The following GABARAP variants were observed in gnomAD, a reference collection of about 807,000 sequenced individuals.
GABARAP encodes gamma-aminobutyric acid receptor-associated protein.
In GABARAP, 5 loss-of-function variants were observed where a neutral mutation model predicts 16.7. The observed-to-expected ratio is 0.30, with a 90% confidence interval of 0.16 to 0.63. GABARAP has a LOEUF of 0.63. Ranked by LOEUF, GABARAP falls within the 20% of genes least tolerant of loss-of-function variation. GABARAP has a pLI of 0.82. For missense variants in GABARAP, 84 were observed against 146.6 expected (o/e 0.57, Z 2.21); for synonymous variants, 45 against 52.7 (o/e 0.85, Z 0.64).
chr17:7,240,829 C>A lies in GABARAP; in HGVS notation c.*25G>T. On this transcript the variant is annotated 3_prime_UTR_variant, in exon 4 of 4. Coordinates refer to ENST00000302386, the MANE Select transcript of GABARAP (RefSeq NM_007278.2). ...ACCTCTCTCTTTGTAGAATGAGACCCCCCTCCAGCTCAGGGGCAGCAGCTT... is the reference window on the plus strand; with the variant it reads ...ACCTCTCTCTTTGTAGAATGAGACCACCCTCCAGCTCAGGGGCAGCAGCTT... 1.9e-6 allele frequency: 3 copies of A among 1,556,720 alleles called. No homozygotes were observed. Among genetic ancestry groups the A allele is most frequent in the Non-Finnish European group, 2.7e-6 (3 of 1,128,394 alleles).
chr17:7,240,150 T>TA lies in GABARAP; in HGVS notation c.*703dup, dbSNP rs1417375752. On this transcript the variant is annotated 3_prime_UTR_variant, in exon 4 of 4. Coordinates refer to ENST00000302386, the MANE Select transcript of GABARAP (RefSeq NM_007278.2). ...CCCACAGTAAAAAAAAATTTTTTTT[T>TA]ACATGAGCATTTTTAACATTTAGTT... The TA allele has an allele frequency of 2.0e-5, 3 of 152,260 alleles. No individual in the cohort carries two copies. Among genetic ancestry groups the TA allele is most frequent in the African/African-American group, 7.2e-5 (3 of 41,468 alleles). The allele number at this position is 152,260 out of a possible 1,614,324, so 9.4% of individuals were successfully genotyped here.
At position 7,240,864 on chromosome 17, in the gene GABARAP, T is replaced by G. The variant is rs750042849; in HGVS notation, c.344A>C (p.Tyr115Ser). 1 of 1,611,182 alleles carries G rather than the reference T, an allele frequency of 6.2e-7. No homozygotes were observed. The highest frequency in any genetic ancestry group is 1.1e-5 in the South Asian group (1 of 91,016). The change falls in exon 4 of 4, where the codon TAC (tyrosine) becomes TCC (serine). Residue 115 changes from tyrosine to serine, a missense_variant. Coordinates refer to ENST00000302386, the MANE Select transcript of GABARAP (RefSeq NM_007278.2). ...TCAGGGGCAGCAGCTTCACAGACCG[T>G]AGACACTTTCGTCACTGTAGGCAAT... ...LYIAYSDESVYGL is the reference protein window; with the variant it reads ...LYIAYSDESVSGL
At position 7,242,287 on chromosome 17, in the gene GABARAP, C is replaced by T. The variant is rs201373066; in HGVS notation, c.44G>A (p.Arg15His). 3 of 1,613,814 alleles carry T rather than the reference C, an allele frequency of 1.9e-6. No homozygotes were observed. Among genetic ancestry groups the T allele is most frequent in the Non-Finnish European group, 2.5e-6 (3 of 1,179,850 alleles). ...CTTTCGGATCTTCTCGCCCTCAGAG[C>T]GGCGCTTCTCGAACGGATGCTCTTC... is the stretch of plus-strand genomic sequence containing the variant. ...YKEEHPFEKR[R>H]SEGEKIRKKY... Residue 15 changes from arginine to histidine, a missense_variant, in exon 1 of 4, where the codon CGC becomes CAC. Coordinates refer to ENST00000302386, the MANE Select transcript of GABARAP (RefSeq NM_007278.2).
chr17:7,240,694 C>A lies in GABARAP; in HGVS notation c.*160G>T. On this transcript the variant is annotated 3_prime_UTR_variant, in exon 4 of 4. Transcript: ENST00000302386. The stretch of plus-strand genomic sequence containing the variant: ...TACAAGATGCCAACTCCACCATTAC[C>A]CCTCCTAAGAGAGGCTGGAGAGAAA... The A allele has an allele frequency of 1.7e-6, 1 of 601,722 alleles. No individual in the cohort carries two copies. Among genetic ancestry groups the A allele is most frequent in the South Asian group, 2.0e-5 (1 of 50,154 alleles). 37.3% of individuals were successfully genotyped at this position (601,722 alleles called of 1,614,324 possible). A position where few individuals can be genotyped will look rare whatever the true frequency, so the allele number is the denominator to read the frequency against.
rs779175255 is a variant in GABARAP at position 7,240,932 on chromosome 17, C to T, written c.289-13G>A. The T allele has an allele frequency of 6.2e-7, 1 of 1,601,596 alleles. No individual in the cohort carries two copies. Among genetic ancestry groups the T allele is most frequent in the Non-Finnish European group, 8.6e-7 (1 of 1,168,794 alleles). On this transcript the variant is annotated splice_polypyrimidine_tract_variant and intron_variant, in intron 3 of 3. Transcript: ENST00000302386. ...CTTCATGGTGTTCCTGGGATGAAAG[C>T]AGAAAACTGTTCAGCAACTGGGCTC... is the stretch of plus-strand genomic sequence containing the variant.
intron 1 of GABARAP, 21 bp downstream of exon 1, chr17:7,242,220 G>A: frequency 6.3e-7 from 1 of 1,580,228 alleles, no homozygotes; most frequent in Non-Finnish European, 8.7e-7. Flanking sequence ...CCGCGCCCTC[G>A]GCCCTGGCTA....
At chr17:7,241,572 C>T (rs1019295815) in intron 2 of GABARAP, 29 bp downstream of exon 2, 2 of 1,549,490 alleles carry the variant, frequency 1.3e-6, no homozygotes, top group African/African-American at 2.7e-5. Context: ...CCACAGGAAG[C>T]AAGCCTGAGT....
chr17:7,242,407 G>T lies in GABARAP; in HGVS notation c.-77C>A, dbSNP rs1597570803. On this transcript the variant is annotated 5_prime_UTR_variant, in exon 1 of 4. Coordinates refer to ENST00000302386, the MANE Select transcript of GABARAP (RefSeq NM_007278.2). ...CGGGACGGGGGGCGGCGACGACGGCGGCGACGCGCGGGCGGATTCAGCGGA... is the reference window on the plus strand; with the variant it reads ...CGGGACGGGGGGCGGCGACGACGGCTGCGACGCGCGGGCGGATTCAGCGGA... The T allele has an allele frequency of 1.9e-6, 2 of 1,070,732 alleles. No individual in the cohort carries two copies. Among genetic ancestry groups the T allele is most frequent in the Non-Finnish European group, 2.9e-6 (2 of 699,410 alleles). 66.3% of individuals were successfully genotyped at this position (1,070,732 alleles called of 1,614,324 possible).
At chr17:7,241,487 G>C (rs372527522) in intron 2 of GABARAP, 27 bp from the exon 3 acceptor site, 1 of 1,378,366 alleles carries the variant, frequency 7.3e-7, no homozygotes, top group Admixed American at 1.7e-5. Context: ...ATGCAAGAAA[G>C]TCACAGAGGT....
chr17:7,242,043 T>C, intron 1 of GABARAP, 198 bp downstream of exon 1: 1 of 604,290 alleles, frequency 1.7e-6, no homozygotes, highest in South Asian at 2.0e-5. Flanking sequence ...TTCTCTCTCC[T>C]GTCCACATCC....
intron 3 of GABARAP, 128 bp downstream of exon 3, chr17:7,241,214 C>T (rs1296731162): frequency 8.3e-6 from 6 of 720,848 alleles, no homozygotes; most frequent in East Asian, 4.9e-5. Context: ...CCCCAACCCA[C>T]GGCTATTATG....
In GABARAP at chr17:7,242,231, C is replaced by A. The variant is rs752973011; in HGVS notation, c.90+10G>T. The A allele has an allele frequency of 6.2e-7, 1 of 1,607,432 alleles. No individual in the cohort carries two copies. Among genetic ancestry groups the A allele is most frequent in the Non-Finnish European group, 8.5e-7 (1 of 1,174,222 alleles). Reference sequence around the variant, plus strand: ...CGTCCCGCGCCCTCGGCCCTGGCTACTGTCCTCACCGGCACCCGGTCCGGG... The same window carrying A: ...CGTCCCGCGCCCTCGGCCCTGGCTAATGTCCTCACCGGCACCCGGTCCGGG... On this transcript the variant is annotated intron_variant, in intron 1 of 3. Coordinates refer to ENST00000302386, the MANE Select transcript of GABARAP (RefSeq NM_007278.2).
At position 7,240,558 on chromosome 17, in the gene GABARAP, G is replaced by A. The variant is rs948849691; in HGVS notation, c.*296C>T. The stretch of plus-strand genomic sequence containing the variant: ...TCTGAGCCCCTTGGGCAGTCAGAAA[G>A]GGAACAGAAACCAAAACAATCACTG... On this transcript the variant is annotated 3_prime_UTR_variant, in exon 4 of 4. Transcript: ENST00000302386. 3 of 311,926 alleles carry A rather than the reference G, an allele frequency of 9.6e-6. No homozygotes were observed. Among genetic ancestry groups the A allele is most frequent in the Admixed American group, 4.8e-5 (1 of 20,770 alleles). The allele number at this position is 311,926 out of a possible 1,614,324, so 19.3% of individuals were successfully genotyped here.
At position 7,240,654 on chromosome 17, in the gene GABARAP, A is replaced by G. The variant is rs986674699; in HGVS notation, c.*200T>C. The G allele has an allele frequency of 1.4e-5, 8 of 553,110 alleles. No individual in the cohort carries two copies. Among genetic ancestry groups the G allele is most frequent in the Middle Eastern group, 9.2e-4 (2 of 2,180 alleles). The allele number at this position is 553,110 out of a possible 1,614,324, so 34.3% of individuals were successfully genotyped here. On this transcript the variant is annotated 3_prime_UTR_variant, in exon 4 of 4. Transcript: ENST00000302386. ...AAGGCGGGCAGAGAAAGGGGAAGAA[A>G]GGAGAAAGGAGAGTTACAAGATGCC...
chr17:7,242,141 A>T, intron 1 of GABARAP, 100 bp downstream of exon 1: 1 of 861,250 alleles, frequency 1.2e-6, no homozygotes, highest in Non-Finnish European at 1.9e-6. Flanking sequence ...ACCCCACCAC[A>T]GCCAGCAGCC....
chr17:7,242,340 A>C lies in GABARAP; in HGVS notation c.-10T>G, dbSNP rs1298198404. ...TGTACACGAACTTCATCCTCCCGGG[A>C]ACCGGGCTGGACAGGGCTGGGCTGA... On this transcript the variant is annotated 5_prime_UTR_variant, in exon 1 of 4. Coordinates refer to ENST00000302386, the MANE Select transcript of GABARAP (RefSeq NM_007278.2). 6.2e-7 allele frequency: 1 copy of C among 1,607,566 alleles called. No homozygotes were observed. Among genetic ancestry groups the C allele is most frequent in the Non-Finnish European group, 8.5e-7 (1 of 1,174,288 alleles).
At chr17:7,241,882 A>G (rs1036123703) in intron 1 of GABARAP, 2 of 600,144 alleles carry the variant, frequency 3.3e-6, no homozygotes, top group Non-Finnish European at 5.9e-6. Flanking sequence ...TCCATCCCCC[A>G]ATAGGGCGTC....
chr17:7,241,309 T>C, intron 3 of GABARAP, 33 bp downstream of exon 3: 1 of 1,006,122 alleles, frequency 9.9e-7, no homozygotes, highest in Non-Finnish European at 1.6e-6. Context: ...AAGATTCCTC[T>C]CCAAAGCCTC....
Position 7,240,812 on chromosome 17 carries a change from CTT to C in GABARAP, c.*40_*41del, listed in dbSNP as rs771424438. 7.0e-7 allele frequency: 1 copy of C among 1,423,802 alleles called. No individual in the cohort carries two copies. Among genetic ancestry groups the C allele is most frequent in the Non-Finnish European group, 9.9e-7 (1 of 1,007,700 alleles). 88.2% of individuals were successfully genotyped at this position (1,423,802 alleles called of 1,614,324 possible). On this transcript the variant is annotated 3_prime_UTR_variant, in exon 4 of 4. Coordinates refer to ENST00000302386, the MANE Select transcript of GABARAP (RefSeq NM_007278.2). ...GTCAAGAAAGGGGGGCCACCTCTCT[CTT>C]TGTAGAATGAGACCCCCCTCCAGCT...
Sources: allele counts gnomAD v4.1 joint callset, GRCh38; gene constraint gnomAD v4.1.1; transcripts MANE v1.5; gene names NCBI Gene and HGNC (gene_info 2026-07-23, HGNC 2026-07-21).